HLA-F: variants seen among roughly 807,000 people sequenced by gnomAD.
The protein encoded by HLA-F is major histocompatibility complex, class I, F.
Under a neutral mutation model 49.5 loss-of-function variants are expected in HLA-F, and 46 were observed. That is an observed-to-expected ratio of 0.93 (90% CI 0.73 to 1.19). The LOEUF is 1.19. HLA-F is among the 50% of genes most tolerant of loss of function. The pLI is 0.00. For missense variants in HLA-F, 496 were observed against 579.6 expected (o/e 0.86, Z 1.48); for synonymous variants, 203 against 233.5 (o/e 0.87, Z 1.19).
chr6:29,724,644 A>G (rs928793778), intron 3 of HLA-F, among the ~76,000 whole-genome samples, 196 bp downstream of exon 3: 1 of 147,034 alleles, frequency 6.8e-6, no homozygotes, highest in African/African-American at 2.6e-5. Flanking sequence ...TGGGACAATT[A>G]AGGGATGAAA....
At chr6:29,729,402 T>C (rs1470272668), downstream of HLA-F, 5 of 152,186 alleles carry the variant, frequency 3.3e-5, no homozygotes, top group Non-Finnish European at 7.3e-5. Context: ...CAGCTGATAG[T>C]ACCAGGAAAC....
chr6:29,737,485 C>A (rs1777219012), intron 3 of HLA-F, among the ~76,000 whole-genome samples: 1 of 152,034 alleles, frequency 6.6e-6, no homozygotes, highest in African/African-American at 2.4e-5. Context: ...AAGTGATGGC[C>A]ATGTAAGCCA....
chr6:29,725,100 TGG>T lies in HLA-F; in HGVS notation c.682_683del (p.Gly228LeufsTer108). On this transcript the variant is annotated frameshift_variant, in exon 4 of 7. Coordinates refer to ENST00000259951, the MANE Select transcript of HLA-F (RefSeq NM_001098479.2). LOFTEE classifies it high-confidence loss of function. ...GAGGCCACCCTGAGGTGCTGGGCCC[TGG>T]GCTTCTACCCTGCGGAGATCACGCT... 1 of 1,614,062 alleles carries T rather than the reference TGG, an allele frequency of 6.2e-7. No individual in the cohort carries two copies. Among genetic ancestry groups the T allele is most frequent in the South Asian group, 1.1e-5 (1 of 91,074 alleles).
downstream of HLA-F, among the ~76,000 whole-genome samples, chr6:29,729,949 T>G (rs1776425796): frequency 6.6e-6 from 1 of 152,216 alleles, no homozygotes; most frequent in Non-Finnish European, 1.5e-5. Context: ...TCACAACACT[T>G]GTACACTGCT....
downstream of HLA-F, among the ~76,000 whole-genome samples, chr6:29,731,227 GGATACATAGATAGATAGATAGATAGATA>G (rs1776558264): frequency 7.6e-6 from 1 of 131,240 alleles, no homozygotes; most frequent in Non-Finnish European, 1.6e-5. Flanking sequence ...TAGAGTAGAT[GGATACATAGATAGATAGATAGATAGATA>G]GATAGATAGA....
chr6:29,725,487 T>C lies in HLA-F; in HGVS notation c.927T>C (p.Val309=). The C allele has an allele frequency of 3.7e-6, 6 of 1,614,182 alleles. No individual in the cohort carries two copies. The highest frequency in any genetic ancestry group is 5.1e-6 in the Non-Finnish European group (6 of 1,180,016). Residue 309 remains valine (V), a synonymous_variant, in exon 5 of 7, where the codon GTT becomes GTC. Coordinates refer to ENST00000259951, the MANE Select transcript of HLA-F (RefSeq NM_001098479.2). ...CCACCATCCCCATCGTGGGCATCGT[T>C]GCTGGCCTTGTTGTCCTTGGAGCTG... ...PQPTIPIVGI[V]AGLVVLGAVV... is the part of the protein sequence containing the mutation.
downstream of HLA-F, among the ~76,000 whole-genome samples, chr6:29,730,262 T>C (rs1248049500): frequency 6.6e-6 from 1 of 152,198 alleles, no homozygotes; most frequent in Non-Finnish European, 1.5e-5. Flanking sequence ...TGGATGAACC[T>C]TGAGAACACT....
At position 29,727,134 on chromosome 6, in the gene HLA-F, C is replaced by A. The variant is rs1283733969; in HGVS notation, c.1288C>A (p.His430Asn). 6.2e-7 allele frequency: 1 copy of A among 1,605,312 alleles called. No homozygotes were observed. The change falls in exon 7 of 7, where the codon CAC becomes AAC. Residue 430 changes from histidine (H) to asparagine (N), a missense_variant. By Grantham distance (68) the His-to-Asn change is moderately conservative (BLOSUM62 1). Coordinates refer to ENST00000259951, the MANE Select transcript of HLA-F (RefSeq NM_001098479.2). The stretch of plus-strand genomic sequence containing the variant: ...CAGGAGCTTCCTTCTTCGTTCTTGG[C>A]ACCATCTTATGAAAAGGGTCCAGAT... ...RGRSFLLRSW[H>N]HLMKRVQIKI...
intron 3 of HLA-F, among the ~76,000 whole-genome samples, chr6:29,737,113 TAGCCACTGAAC>T (rs975395859): frequency 6.7e-6 from 1 of 149,816 alleles, no homozygotes; most frequent in Non-Finnish European, 1.5e-5. Flanking sequence ...TTAACAGATT[TAGCCACTGAAC>T]AGCAATGGCA....
intron 3 of HLA-F, among the ~76,000 whole-genome samples, 186 bp from the exon 4 acceptor site, chr6:29,724,845 C>G (rs2072899): frequency 0.18 from 27,227 of 152,028 alleles, 2,866 homozygotes; most frequent in East Asian, 0.3. Context: ...CCTGCTCCCC[C>G]CTCAGAGACT....
Position 29,725,034 on chromosome 6 carries a change from C to A in HLA-F, c.614C>A (p.Pro205His), listed in dbSNP as rs1775868684. The change falls in exon 4 of 7, where the codon CCT becomes CAT. Residue 205 changes from proline (P) to histidine (H), a missense_variant. Coordinates refer to ENST00000259951, the MANE Select transcript of HLA-F (RefSeq NM_001098479.2). ...NGKETLQRAD[P>H]PKAHVAHHPI... ...TGAATTTTCTGACTCTTCTCAGATCCTCCAAAGGCACACGTTGCCCACCAC... is the reference window on the plus strand; with the variant it reads ...TGAATTTTCTGACTCTTCTCAGATCATCCAAAGGCACACGTTGCCCACCAC... The A allele has an allele frequency of 6.2e-7, 1 of 1,613,434 alleles. No homozygotes were observed. Among genetic ancestry groups the A allele is most frequent in the Non-Finnish European group, 8.5e-7 (1 of 1,179,616 alleles).
chr6:29,733,190 G>GAAACAA (rs113047112), intron 3 of HLA-F, among the ~76,000 whole-genome samples: 57,089 of 151,306 alleles, frequency 0.38, 10,892 homozygotes, highest in East Asian at 0.42. Context: ...TTGTGTTTCA[G>GAAACAA]AAACAAAAAC....
At chr6:29,728,340 T>C (rs3817827), downstream of HLA-F, 53,922 of 317,688 alleles carry the variant, frequency 0.17, 5,538 homozygotes, top group East Asian at 0.29. Flanking sequence ...TGCTTAGGCC[T>C]GTAACCTGGG....
chr6:29,730,913 G>C (rs534701439), downstream of HLA-F, among the ~76,000 whole-genome samples: 61 of 152,172 alleles, frequency 4.0e-4, 2 homozygotes, highest in Admixed American at 3.4e-3. Flanking sequence ...TTTTGTCACT[G>C]CTCCATCCTG....
At chr6:29,726,463 T>C in intron 6 of HLA-F, 2 of 1,605,946 alleles carry the variant, frequency 1.2e-6, no homozygotes, top group South Asian at 1.1e-5. Flanking sequence ...AGAATTGCAC[T>C]TGTGCCTCAC....
chr6:29,726,705 A>T, intron 6 of HLA-F, 178 bp from the exon 7 acceptor site: 2 of 1,285,928 alleles, frequency 1.6e-6, no homozygotes, highest in South Asian at 1.2e-5. Flanking sequence ...CAACCAAAGC[A>T]TCGTAGTCAG....
rs768270857 is a variant in HLA-F, at chr6:29,723,716, C to G, written c.123C>G (p.Pro41=). The G allele has an allele frequency of 1.8e-5, 29 of 1,611,842 alleles. No individual in the cohort carries two copies. Among genetic ancestry groups the G allele is most frequent in the Non-Finnish European group, 2.4e-5 (28 of 1,179,840 alleles). The change falls in exon 2 of 7, where the codon CCC becomes CCG. Residue 41 remains proline, a synonymous_variant. Coordinates refer to ENST00000259951, the MANE Select transcript of HLA-F (RefSeq NM_001098479.2). ...TAVSRPGRGE[P]RYIAVEYVDD... ...TGTCGCGGCCCGGCCGCGGGGAGCC[C>G]CGCTACATCGCCGTGGAGTACGTAG...
chr6:29,724,071 G>T (rs1311545733), intron 2 of HLA-F, 102 bp from the exon 3 acceptor site: 19 of 1,554,142 alleles, frequency 1.2e-5, no homozygotes, highest in Non-Finnish European at 1.3e-5. Flanking sequence ...AGTCCCAGGC[G>T]CCTTTACCCA....
chr6:29,725,758 G>C (rs751656013), intron 5 of HLA-F, among the ~76,000 whole-genome samples, 195 bp downstream of exon 5: 2 of 152,174 alleles, frequency 1.3e-5, no homozygotes, highest in Admixed American at 1.3e-4. Context: ...TCTTCACTTC[G>C]ATGATTATGG....
Sources: allele counts gnomAD v4.1 joint callset (sites outside exome capture counted in the v4.1 genomes callset), GRCh38; gene constraint gnomAD v4.1.1; transcripts MANE v1.5; gene names NCBI Gene and HGNC (gene_info 2026-07-23, HGNC 2026-07-21).